ARHGAP6: variants seen among roughly 807,000 people sequenced by gnomAD.
ARHGAP6 encodes rho GTPase-activating protein 6.
A neutral mutation model predicts 55.7 loss-of-function variants in ARHGAP6; 16 were observed. The observed-to-expected ratio is 0.29, with a 90% CI of 0.19 to 0.44. The LOEUF (loss-of-function observed/expected upper bound fraction) is 0.44, where lower values mean the gene tolerates loss of function less well. ARHGAP6 is among the 20% of genes least tolerant of loss of function. The pLI, the probability that ARHGAP6 is intolerant of heterozygous loss-of-function variation, is 1.00. For missense variants in ARHGAP6, 698 were observed against 808.9 expected (o/e 0.86, Z 1.66); for synonymous variants, 382 against 360.9 (o/e 1.06, Z -0.66).
chrX:11,531,091 T>C (rs1193763234), intron 1 of ARHGAP6, among the ~76,000 whole-genome samples: 1 of 111,990 alleles, frequency 8.9e-6, no homozygotes, highest in Non-Finnish European at 1.9e-5. Flanking sequence ...AATATATTCA[T>C]ACAGGGCTTT....
intron 1 of ARHGAP6, among the ~76,000 whole-genome samples, chrX:11,280,548 C>T (rs2047841518): frequency 9.1e-6 from 1 of 109,915 alleles, no homozygotes; most frequent in African/African-American, 3.3e-5. Flanking sequence ...GGGGTGTATC[C>T]ACAATAGGTT....
At chrX:11,430,034 A>G (rs773005876) in intron 1 of ARHGAP6, among the ~76,000 whole-genome samples, 6 of 111,786 alleles carry the variant, frequency 5.4e-5, no homozygotes, top group Non-Finnish European at 7.5e-5. Flanking sequence ...CTTGCCTTTA[A>G]GCCCCTGAAG....
intron 3 of ARHGAP6, among the ~76,000 whole-genome samples, chrX:11,191,138 A>G (rs1203760363): frequency 3.5e-5 from 4 of 113,090 alleles, no homozygotes; most frequent in African/African-American, 6.4e-5. Flanking sequence ...GTAAAGGGCC[A>G]GATAGTAAAT....
At chrX:11,452,449 T>C (rs2050152444) in intron 1 of ARHGAP6, among the ~76,000 whole-genome samples, 1 of 112,172 alleles carries the variant, frequency 8.9e-6, no homozygotes, top group African/African-American at 3.2e-5. Flanking sequence ...CACCAGGCCA[T>C]GTTTTATATT....
chrX:11,246,821 G>A (rs1162760253), intron 2 of ARHGAP6, among the ~76,000 whole-genome samples: 1 of 111,848 alleles, frequency 8.9e-6, no homozygotes, highest in Non-Finnish European at 1.9e-5. Context: ...TTCTGCACCA[G>A]GTTTCAACCT....
At chrX:11,610,718 T>C (rs2052092714) in intron 1 of ARHGAP6, among the ~76,000 whole-genome samples, 1 of 112,439 alleles carries the variant, frequency 8.9e-6, no homozygotes, top group African/African-American at 3.2e-5. Context: ...CAGAGGTTTT[T>C]AGTATTTTCA....
intron 1 of ARHGAP6, among the ~76,000 whole-genome samples, chrX:11,441,379 T>G (rs5935063): frequency 9.0e-6 from 1 of 110,528 alleles, no homozygotes; most frequent in Non-Finnish European, 1.9e-5. Context: ...ATCAGTGAGA[T>G]CTATCTCCTT....
intron 8 of ARHGAP6, among the ~76,000 whole-genome samples, chrX:11,174,855 T>C (rs1043299362): frequency 1.0e-5 from 1 of 99,367 alleles, no homozygotes; most frequent in Non-Finnish European, 1.9e-5. Flanking sequence ...GCCCGGCTAA[T>C]TTTTTTTGTA....
chrX:11,596,114 C>T (rs531563225), intron 1 of ARHGAP6, among the ~76,000 whole-genome samples: 1 of 112,069 alleles, frequency 8.9e-6, no homozygotes, highest in Admixed American at 9.5e-5. Flanking sequence ...TATAAAGACA[C>T]ATGCACATAT....
chrX:11,295,283 T>C (rs1308098713), intron 1 of ARHGAP6, among the ~76,000 whole-genome samples: 1 of 111,087 alleles, frequency 9.0e-6, no homozygotes, highest in Admixed American at 9.5e-5. Flanking sequence ...CCTCCACATA[T>C]TGCTGCTCTT....
chrX:11,192,042 G>A (rs779573354), intron 3 of ARHGAP6, among the ~76,000 whole-genome samples: 43 of 111,712 alleles, frequency 3.8e-4, no homozygotes, highest in African/African-American at 1.3e-3. Flanking sequence ...TCCATCCATA[G>A]ATATTTCACA....
At chrX:11,515,071 G>A (rs1025700309) in intron 1 of ARHGAP6, among the ~76,000 whole-genome samples, 7 of 111,355 alleles carry the variant, frequency 6.3e-5, no homozygotes, top group African/African-American at 2.0e-4. Context: ...AAAAAGCGAG[G>A]GTGTACACAG....
intron 1 of ARHGAP6, among the ~76,000 whole-genome samples, chrX:11,421,960 A>G (rs975953379): frequency 1.4e-4 from 16 of 111,998 alleles, no homozygotes; most frequent in Non-Finnish European, 3.8e-5. Context: ...AAAAATACAC[A>G]GGCAGCCAGA....
At chrX:11,599,835 G>A (rs764400988) in intron 1 of ARHGAP6, among the ~76,000 whole-genome samples, 1 of 112,180 alleles carries the variant, frequency 8.9e-6, no homozygotes, top group Admixed American at 9.4e-5. Context: ...AAACTTGACT[G>A]TAGTGATTAC....
intron 1 of ARHGAP6, among the ~76,000 whole-genome samples, chrX:11,255,387 A>C (rs1205362187): frequency 4.5e-5 from 5 of 110,280 alleles, no homozygotes. Flanking sequence ...TACCTATCTC[A>C]TGTAAAATTT....
At chrX:11,424,763 C>A (rs1300770749) in intron 1 of ARHGAP6, among the ~76,000 whole-genome samples, 2 of 112,565 alleles carry the variant, frequency 1.8e-5, no homozygotes, top group East Asian at 2.8e-4. Flanking sequence ...TCACCATAAT[C>A]TGAACGTGGG....
intron 1 of ARHGAP6, among the ~76,000 whole-genome samples, chrX:11,316,820 T>G (rs1374147753): frequency 8.9e-6 from 1 of 112,578 alleles, no homozygotes; most frequent in East Asian, 2.8e-4. Flanking sequence ...TGTCTTTGCT[T>G]TCTGTGCCTG....
intron 1 of ARHGAP6, among the ~76,000 whole-genome samples, chrX:11,309,972 C>T (rs992305715): frequency 9.1e-4 from 99 of 109,334 alleles, no homozygotes; most frequent in African/African-American, 2.9e-3. Context: ...AGCAACATGG[C>T]AAAACCTCGT....
intron 1 of ARHGAP6, among the ~76,000 whole-genome samples, chrX:11,387,249 C>A (rs1004132781): frequency 3.6e-5 from 4 of 111,596 alleles, no homozygotes; most frequent in African/African-American, 1.3e-4. Context: ...GGGAGCTCTA[C>A]AAAATACCTA....
Sources: allele counts gnomAD v4.1 joint callset (sites outside exome capture counted in the v4.1 genomes callset), GRCh38; gene constraint gnomAD v4.1.1; transcripts MANE v1.5; gene names NCBI Gene and HGNC (gene_info 2026-07-23, HGNC 2026-07-21).